The following GRIK5 variants were observed in gnomAD, a reference collection of about 807,000 sequenced individuals.
GRIK5 encodes glutamate receptor ionotropic, kainate 5.
GRIK5 carries 43 observed loss-of-function variants against 97.4 expected under a neutral mutation model. The ratio of observed to expected loss-of-function variants is 0.44; its 90% CI spans 0.35 to 0.57. GRIK5 has a LOEUF of 0.57. GRIK5 is among the 20% of genes least tolerant of loss of function. The probability of loss-of-function intolerance (pLI) is 0.01; values close to 1 mark genes in which losing one functional copy is unlikely to be tolerated. For missense variants in GRIK5, 1,015 were observed against 1,382.0 expected (o/e 0.73, Z 4.21); for synonymous variants, 580 against 583.5 (o/e 0.99, Z 0.09).
In GRIK5 at chr19:41,999,270, C is replaced by A. The variant is rs781968832; in HGVS notation, c.2544G>T (p.Glu848Asp). 3 of 1,525,692 alleles carry A rather than the reference C, an allele frequency of 2.0e-6. No individual in the cohort carries two copies. Among genetic ancestry groups the A allele is most frequent in the Admixed American group, 2.0e-5 (1 of 50,328 alleles). 94.5% of individuals were successfully genotyped at this position (1,525,692 alleles called of 1,614,324 possible). ...EVSVCQEMLQ[E>D]LRHAVSCRKT... is the part of the protein sequence containing the mutation. ...TGCGGCAAGAAACGGCGTGGCGCAG[C>A]TCCTGCAGCATCTCCTGGCACACCG... Residue 848 changes from glutamate to aspartate, a missense_variant, in exon 20 of 20, where the codon GAG (glutamate) becomes GAT (aspartate). Coordinates refer to ENST00000593562, the MANE Select transcript of GRIK5 (RefSeq NM_002088.5). The surrounding 1 kb of genome is among the most constrained non-coding windows in gnomAD (Gnocchi z 5.0).
At chr19:42,017,998 T>C (rs1056655655) in intron 15 of GRIK5, among the ~76,000 whole-genome samples, 3 of 151,838 alleles carry the variant, frequency 2.0e-5, no homozygotes, top group Non-Finnish European at 2.9e-5. Flanking sequence ...ATGGGGGCCA[T>C]GGTCAGAGTG....
rs867111831 is a variant in GRIK5, at chr19:42,022,129, G to A, written c.1588-73C>T. The A allele has an allele frequency of 7.1e-7, 1 of 1,409,444 alleles. No homozygotes were observed. The highest frequency in any genetic ancestry group is 9.9e-7 in the Non-Finnish European group (1 of 1,006,624). The allele number at this position is 1,409,444 out of a possible 1,614,324, so 87.3% of individuals were successfully genotyped here. ...CACACCCAGCCCCTGCCCTACCAGG[G>A]ACCTGGGAGCCTGACCGGCCCATCT... On this transcript the variant is annotated intron_variant, in intron 13 of 19. Transcript: ENST00000593562. This position sits in a 1 kb window ranked among gnomAD's most constrained non-coding sequence, Gnocchi z 4.2.
At chr19:42,015,394 G>A (rs193240984) in intron 15 of GRIK5, among the ~76,000 whole-genome samples, 75 of 152,316 alleles carry the variant, frequency 4.9e-4, no homozygotes, top group African/African-American at 1.8e-3. Context: ...CAGACCATAT[G>A]CTGAGCTCTA....
intron 1 of GRIK5, among the ~76,000 whole-genome samples, chr19:42,067,420 A>G (rs2076350594): frequency 6.6e-6 from 1 of 152,196 alleles, no homozygotes; most frequent in Non-Finnish European, 1.5e-5. Context: ...TATGCTGGAC[A>G]GGCTGGGGAC....
intron 12 of GRIK5, among the ~76,000 whole-genome samples, chr19:42,039,476 CAAAACA>C (rs772496931): frequency 2.0e-5 from 3 of 152,092 alleles, no homozygotes; most frequent in Non-Finnish European, 4.4e-5. Flanking sequence ...GAGTCCGTCT[CAAAACA>C]AAAACAAAAA....
chr19:41,999,350 C>T lies in GRIK5; in HGVS notation c.2515-51G>A, dbSNP rs1555870435. On this transcript the variant is annotated intron_variant, in intron 19 of 19. Transcript: ENST00000593562. The surrounding 1 kb of genome is among the most constrained non-coding windows in gnomAD (Gnocchi z 5.0). ...TCCCGGCGCAGTCCGCCTCCCGCCTCCCCCAGCCCCTCTCCACATCCCACT... is the reference window on the plus strand; with the variant it reads ...TCCCGGCGCAGTCCGCCTCCCGCCTTCCCCAGCCCCTCTCCACATCCCACT... 7.3e-7 allele frequency: 1 copy of T among 1,370,828 alleles called. No homozygotes were observed. Among genetic ancestry groups the T allele is most frequent in the South Asian group, 1.3e-5 (1 of 74,538 alleles). 84.9% of individuals were successfully genotyped at this position (1,370,828 alleles called of 1,614,324 possible).
chr19:42,058,172 GGTTT>G (rs1050981766), intron 6 of GRIK5, among the ~76,000 whole-genome samples: 27 of 152,108 alleles, frequency 1.8e-4, no homozygotes, highest in African/African-American at 2.9e-4. Flanking sequence ...GTGATATATG[GGTTT>G]GTTTGTTTGT....
intron 17 of GRIK5, among the ~76,000 whole-genome samples, chr19:42,004,804 G>T (rs2075466018): frequency 6.6e-6 from 1 of 152,260 alleles, no homozygotes; most frequent in South Asian, 2.1e-4. Context: ...TGTAAAGACA[G>T]GGTCTTGCTA....
chr19:42,034,276 G>C (rs2075875053), intron 12 of GRIK5, among the ~76,000 whole-genome samples: 1 of 152,124 alleles, frequency 6.6e-6, no homozygotes, highest in African/African-American at 2.4e-5. Flanking sequence ...TGGGAGGATT[G>C]CTTGAGCCTG....
In GRIK5 at chr19:42,067,031, C is replaced by G. The variant is rs1447755203; in HGVS notation, c.-50-1211G>C. ...TCAGGGATTCCTCTAGGCACCCCAG[C>G]TTTCTGCAGGGCAACCACTGGGCAA... On this transcript the variant is annotated intron_variant, in intron 1 of 19. Coordinates refer to ENST00000593562, the MANE Select transcript of GRIK5 (RefSeq NM_002088.5). Among the ~76,000 whole-genome samples, 3 of 152,204 alleles carry G rather than the reference C, an allele frequency of 2.0e-5. No individual in the cohort carries two copies. In the East Asian group the frequency reaches 5.8e-4, roughly 29 times the overall value.
chr19:42,063,627 G>C (rs1337694973), intron 3 of GRIK5: 1 of 282,956 alleles, frequency 3.5e-6, no homozygotes, highest in Non-Finnish European at 7.0e-6. Flanking sequence ...TGAGATGTAA[G>C]CTTGGTGCTG....
chr19:42,067,347 G>A (rs916724836), intron 1 of GRIK5, among the ~76,000 whole-genome samples: 4 of 152,322 alleles, frequency 2.6e-5, no homozygotes, highest in East Asian at 1.9e-4. Context: ...GACTCACTGC[G>A]TGATCTTGAG....
At chr19:42,053,987 G>A (rs1304607409) in intron 9 of GRIK5, 58 bp from the exon 10 acceptor site, 2 of 1,191,260 alleles carry the variant, frequency 1.7e-6, no homozygotes, top group Non-Finnish European at 2.5e-6. Flanking sequence ...GATGGGCAGG[G>A]AAGGCCCAAC....
Position 41,998,870 on chromosome 19 carries a change from G to A in GRIK5, c.*1C>T. The A allele has an allele frequency of 9.0e-7, 1 of 1,117,134 alleles. No individual in the cohort carries two copies. Among genetic ancestry groups the A allele is most frequent in the Non-Finnish European group, 1.1e-6 (1 of 914,316 alleles). The allele number at this position is 1,117,134 out of a possible 1,614,324, so 69.2% of individuals were successfully genotyped here. A position where few individuals can be genotyped will look rare whatever the true frequency, so the allele number is the denominator to read the frequency against. On this transcript the variant is annotated 3_prime_UTR_variant, in exon 20 of 20. Transcript: ENST00000593562. ...GGGCGCCCGCACAGCCCCGCCCGTGGTCACTCGTGCTCCGCCAGCTCCCGG... is the reference window on the plus strand; with the variant it reads ...GGGCGCCCGCACAGCCCCGCCCGTGATCACTCGTGCTCCGCCAGCTCCCGG...
Position 42,042,645 on chromosome 19 carries a change from G to A in GRIK5, c.1380C>T (p.Phe460=), listed in dbSNP as rs752227880. ...CCTCCACCAACCGCAGGCGGTAGCG[G>A]AAGCGCAGCAGCTCGGCCAGCTCCC... The part of the protein sequence containing the change: ...MLRELAELLR[F]RYRLRLVEDG... Residue 460 remains phenylalanine, a synonymous_variant, in exon 12 of 20, where the codon TTC becomes TTT. Transcript: ENST00000593562. The surrounding 1 kb of genome is among the most constrained non-coding windows in gnomAD (Gnocchi z 6.9). The A allele has an allele frequency of 2.5e-6, 4 of 1,613,442 alleles. No homozygotes were observed. Among genetic ancestry groups the A allele is most frequent in the Non-Finnish European group, 3.4e-6 (4 of 1,179,968 alleles).
rs2076267023 is a variant in GRIK5, at chr19:42,062,091, T to C, written c.508+397A>G. Among the ~76,000 whole-genome samples, 1 of 152,222 alleles carries C rather than the reference T, an allele frequency of 6.6e-6. No homozygotes were observed. Among genetic ancestry groups the C allele is most frequent in the Non-Finnish European group, 1.5e-5 (1 of 68,036 alleles). On this transcript the variant is annotated intron_variant, in intron 5 of 19. Coordinates refer to ENST00000593562, the MANE Select transcript of GRIK5 (RefSeq NM_002088.5). This position sits in a 1 kb window ranked among gnomAD's most constrained non-coding sequence, Gnocchi z 5.3. Reference sequence around the variant, plus strand: ...GTCTCTTTCTCATAGACACAGGCTCTGAACCTCCCAGATGGATTAGGATCC... The same window carrying C: ...GTCTCTTTCTCATAGACACAGGCTCCGAACCTCCCAGATGGATTAGGATCC...
chr19:42,039,196 G>A (rs751953795), intron 12 of GRIK5, among the ~76,000 whole-genome samples: 84 of 152,208 alleles, frequency 5.5e-4, no homozygotes, highest in Non-Finnish European at 1.0e-3. Context: ...AAGGGTGGCC[G>A]GGCATGGTGG....
In GRIK5 at chr19:41,999,037, G is replaced by T. The variant is rs1185765881; in HGVS notation, c.2777C>A (p.Pro926His). ...PSGARPAAPT[P>H]CTHVRVCQEC... ...CTGGCAGACGCGCACGTGGGTGCAG[G>T]GGGTGGGGGCGGCGGGTCGGGCTCC... is the stretch of plus-strand genomic sequence containing the variant. Residue 926 changes from proline (P) to histidine (H), a missense_variant, in exon 20 of 20, where the codon CCC becomes CAC. Coordinates refer to ENST00000593562, the MANE Select transcript of GRIK5 (RefSeq NM_002088.5). The surrounding 1 kb of genome is among the most constrained non-coding windows in gnomAD (Gnocchi z 5.0). 3.6e-4 allele frequency: 446 copies of T among 1,235,504 alleles called. No individual in the cohort carries two copies. The highest frequency in any genetic ancestry group is 1.6e-3 in the Middle Eastern group (5 of 3,108). 76.5% of individuals were successfully genotyped at this position (1,235,504 alleles called of 1,614,324 possible). A position where few individuals can be genotyped will look rare whatever the true frequency, so the allele number is the denominator to read the frequency against.
chr19:42,018,433 T>G (rs561878874), intron 15 of GRIK5, among the ~76,000 whole-genome samples: 2 of 150,930 alleles, frequency 1.3e-5, no homozygotes, highest in Admixed American at 1.3e-4. Context: ...CCCAGGTGAG[T>G]GGATCACTTA....
Sources: allele counts gnomAD v4.1 joint callset (sites outside exome capture counted in the v4.1 genomes callset), GRCh38; gene constraint gnomAD v4.1.1; non-coding constraint Gnocchi (gnomAD v3.1); transcripts MANE v1.5; gene names NCBI Gene and HGNC (gene_info 2026-07-23, HGNC 2026-07-21).